The following TM9SF4 variants were observed in gnomAD, a reference collection of about 807,000 sequenced individuals.
The protein encoded by TM9SF4 is transmembrane 9 superfamily member 4.
In TM9SF4, 26 loss-of-function variants were observed where a neutral mutation model predicts 90.4. That is an observed-to-expected ratio of 0.29 (90% CI 0.21 to 0.40). TM9SF4 has a LOEUF of 0.40. TM9SF4 is among the 10% of genes least tolerant of loss of function. The pLI is 1.00. For synonymous variants in TM9SF4, 293 were observed against 315.4 expected, an observed-to-expected ratio of 0.93 and a Z score of 0.75; for missense variants, 549 against 834.8, an observed-to-expected ratio of 0.66 and a Z score of 4.22.
intron 1 of TM9SF4, among the ~76,000 whole-genome samples, chr20:32,124,257 A>G (rs1467444341): frequency 6.6e-6 from 1 of 152,214 alleles, no homozygotes; most frequent in Non-Finnish European, 1.5e-5. Flanking sequence ...CAAATTGACT[A>G]CAATGGTTTG....
chr20:32,133,109 G>T lies in TM9SF4; in HGVS notation c.112G>T (p.Asp38Tyr). The T allele has an allele frequency of 6.2e-7, 1 of 1,614,102 alleles. No individual in the cohort carries two copies. Among genetic ancestry groups the T allele is most frequent in the Non-Finnish European group, 8.5e-7 (1 of 1,180,000 alleles). ...GVAPINFHQN[D>Y]PVEIKAVKLT... ...CGCGCCTATCAACTTCCACCAGAAC[G>T]ATCCCGTAGAAATCAAGGTAAGTGT... Residue 38 changes from aspartate (D) to tyrosine (Y), a missense_variant, in exon 2 of 18, where the codon GAT becomes TAT. Physicochemically the swap from Asp to Tyr is radical, Grantham distance 160. Coordinates refer to ENST00000398022, the MANE Select transcript of TM9SF4 (RefSeq NM_014742.4).
chr20:32,116,151 A>G (rs2046219085), intron 1 of TM9SF4: 1 of 152,196 alleles, frequency 6.6e-6, no homozygotes, highest in Non-Finnish European at 1.5e-5. Flanking sequence ...TGTGCAGTTC[A>G]GTGGCATTAA....
chr20:32,127,773 GTC>G (rs2046445419), intron 1 of TM9SF4, among the ~76,000 whole-genome samples: 1 of 152,304 alleles, frequency 6.6e-6, no homozygotes. Flanking sequence ...CTAGGGTGGT[GTC>G]TCTCAACTAA....
chr20:32,122,875 C>T (rs963131895), intron 1 of TM9SF4, among the ~76,000 whole-genome samples: 10 of 151,930 alleles, frequency 6.6e-5, no homozygotes, highest in South Asian at 2.1e-4. Flanking sequence ...CCAGCCTGGG[C>T]GCCATTGAGC....
At chr20:32,123,039 T>C (rs62204999) in intron 1 of TM9SF4, among the ~76,000 whole-genome samples, 62,138 of 148,268 alleles carry the variant, frequency 0.42, 13,366 homozygotes, top group East Asian at 0.74. Context: ...CGTGGCGGCG[T>C]GCGCCTGCAA....
At chr20:32,141,265 G>A (rs1315622655) in intron 3 of TM9SF4, among the ~76,000 whole-genome samples, 3 of 149,708 alleles carry the variant, frequency 2.0e-5, no homozygotes, top group African/African-American at 7.4e-5. Flanking sequence ...GATGAGTGCT[G>A]AGTGCTAAGG....
intron 1 of TM9SF4, among the ~76,000 whole-genome samples, chr20:32,118,215 G>T (rs6061165): frequency 7.2e-5 from 11 of 152,156 alleles, no homozygotes; most frequent in African/African-American, 2.7e-4. Flanking sequence ...AGTATCTGTA[G>T]CTTTGATAAG....
intron 12 of TM9SF4, among the ~76,000 whole-genome samples, chr20:32,151,752 G>T (rs2122444582): frequency 6.6e-6 from 1 of 152,272 alleles, no homozygotes; most frequent in South Asian, 2.1e-4. Context: ...CGCGATCTCG[G>T]ATCACTGCAA....
chr20:32,109,825 A>AC, intron 1 of TM9SF4, 70 bp downstream of exon 1: 1 of 1,549,734 alleles, frequency 6.5e-7, no homozygotes, highest in Non-Finnish European at 8.7e-7. Flanking sequence ...ATCTTCCAGC[A>AC]CCCCATGCCT....
intron 10 of TM9SF4, 149 bp downstream of exon 10, chr20:32,149,915 C>T (rs367948835): frequency 2.1e-5 from 24 of 1,151,268 alleles, no homozygotes; most frequent in Middle Eastern, 2.8e-4. Context: ...CCAGACAGGC[C>T]GTCTATCTCA....
At chr20:32,164,480 C>G (rs1245476170) in intron 17 of TM9SF4, among the ~76,000 whole-genome samples, 4 of 152,110 alleles carry the variant, frequency 2.6e-5, no homozygotes, top group East Asian at 1.9e-4. Context: ...CCACTGTGCT[C>G]TAGTCTGGGT....
chr20:32,157,844 C>T lies in TM9SF4; in HGVS notation c.1380C>T (p.Ser460=), dbSNP rs1473026985. ...VALLCMWFGI[S]LPLVYLGYYF... is the part of the protein sequence containing the mutation. ...TGCTGTGCATGTGGTTCGGGATCTC[C>T]CTGCCCCTCGTCTACTTGGGCTACT... Residue 460 remains serine (S), a synonymous_variant, in exon 14 of 18, where the codon TCC becomes TCT. Transcript: ENST00000398022. 2.5e-6 allele frequency: 4 copies of T among 1,614,166 alleles called. No homozygotes were observed. Among genetic ancestry groups the T allele is most frequent in the Non-Finnish European group, 3.4e-6 (4 of 1,180,022 alleles).
chr20:32,158,170 G>T (rs565577761), intron 14 of TM9SF4, among the ~76,000 whole-genome samples: 2 of 152,294 alleles, frequency 1.3e-5, no homozygotes, highest in East Asian at 3.9e-4. Context: ...GGACAAGGAA[G>T]GGGAAGGATG....
chr20:32,123,845 C>CATATATATATATATAT (rs778502518), intron 1 of TM9SF4, among the ~76,000 whole-genome samples: 7 of 108,720 alleles, frequency 6.4e-5, no homozygotes, highest in East Asian at 5.0e-4. Flanking sequence ...TTCTCTCTCT[C>CATATATATATATATAT]ATATATATAT....
At chr20:32,115,920 C>T (rs368382372) in intron 1 of TM9SF4, among the ~76,000 whole-genome samples, 4 of 140,358 alleles carry the variant, frequency 2.8e-5, no homozygotes, top group African/African-American at 8.0e-5. Context: ...CTCCTGGGTT[C>T]GAGCGATTCT....
chr20:32,162,253 A>G (rs1157626511), intron 17 of TM9SF4, among the ~76,000 whole-genome samples: 1 of 152,204 alleles, frequency 6.6e-6, no homozygotes, highest in African/African-American at 2.4e-5. Context: ...ATAGAGTTGT[A>G]GGTCAGTTGA....
intron 15 of TM9SF4, chr20:32,159,633 C>T (rs1312367429): frequency 4.8e-6 from 1 of 206,602 alleles, no homozygotes; most frequent in Non-Finnish European, 9.7e-6. Flanking sequence ...CTTTCATAGA[C>T]ACACACATGT....
intron 1 of TM9SF4, among the ~76,000 whole-genome samples, chr20:32,126,935 T>C (rs1418429106): frequency 1.3e-5 from 2 of 152,098 alleles, no homozygotes; most frequent in Non-Finnish European, 2.9e-5. Flanking sequence ...GGGTTCACCA[T>C]GTTAGCCAGG....
rs761404611 is a variant in TM9SF4 at position 32,143,102 on chromosome 20, G to C, written c.649G>C (p.Glu217Gln). Residue 217 changes from glutamate (E) to glutamine (Q), a missense_variant, in exon 6 of 18, where the codon GAG (glutamate) becomes CAG (glutamine). Transcript: ENST00000398022. ...GGTGATTCCCCAGAGCATCAGGCTG[G>C]AGGGTGAGTGGGGAGGTGTGGCCGG... is the stretch of plus-strand genomic sequence containing the variant. The part of the protein sequence containing the change: ...FEVIPQSIRL[E>Q]DLKADEKSSC... 1.5e-5 allele frequency: 24 copies of C among 1,613,108 alleles called. No individual in the cohort carries two copies. Among genetic ancestry groups the C allele is most frequent in the Non-Finnish European group, 2.0e-5 (23 of 1,179,366 alleles).
Sources: allele counts gnomAD v4.1 joint callset (sites outside exome capture counted in the v4.1 genomes callset), GRCh38; gene constraint gnomAD v4.1.1; transcripts MANE v1.5; gene names NCBI Gene and HGNC (gene_info 2026-07-23, HGNC 2026-07-21).